The following MGST1 variants were observed in gnomAD, a reference collection of about 807,000 sequenced individuals.
MGST1 encodes the protein glutathione S-transferase 12.
A neutral mutation model predicts 8.9 loss-of-function variants in MGST1; 5 were observed. The ratio of observed to expected loss-of-function variants is 0.56; its 90% CI spans 0.29 to 1.19. The LOEUF (loss-of-function observed/expected upper bound fraction) is 1.19, where lower values mean the gene tolerates loss of function less well. Ranked by LOEUF, MGST1 falls within the 50% of genes most tolerant of loss-of-function variation. The pLI is 0.08. For synonymous variants in MGST1, 54 were observed against 67.8 expected, an observed-to-expected ratio of 0.80 and a Z score of 1.00; for missense variants, 182 against 187.4, an observed-to-expected ratio of 0.97 and a Z score of 0.17.
At position 16,399,339 on chromosome 12, in the gene MGST1, G is replaced by A. The variant is rs1321506856; in HGVS notation, n.778+15735G>A. On this transcript the variant is annotated intron_variant and non_coding_transcript_variant, in intron 1 of 1. Transcript: ENST00000359720. ...GGAACCATGGTTGGAACCACGGTTAGAGCCATGGCCCAAACTGTGCACAGA... is the reference window on the plus strand; with the variant it reads ...GGAACCATGGTTGGAACCACGGTTAAAGCCATGGCCCAAACTGTGCACAGA... 4 of 1,586,330 alleles carry A rather than the reference G, an allele frequency of 2.5e-6. No individual in the cohort carries two copies. In the African/African-American group the frequency reaches 5.4e-5, roughly 21 times the overall value.
At chr12:16,356,752 A>G (rs987364316) in intron 2 of MGST1, among the ~76,000 whole-genome samples, 1 of 152,236 alleles carries the variant, frequency 6.6e-6, no homozygotes, top group African/African-American at 2.4e-5. Context: ...AAATTTCATT[A>G]TACAGTATTC....
At chr12:16,440,277 AGTAAAGCG>A (rs1186550364), downstream of MGST1, among the ~76,000 whole-genome samples, 16 of 151,796 alleles carry the variant, frequency 1.1e-4, no homozygotes, top group African/African-American at 3.9e-4. Context: ...ACACATACAC[AGTAAAGCG>A]TATAAACCTT....
intron 1 of MGST1, among the ~76,000 whole-genome samples, chr12:16,397,577 C>CAA (rs561070587): frequency 4.3e-4 from 63 of 147,484 alleles, no homozygotes; most frequent in African/African-American, 1.5e-3. Context: ...AACAAAATAG[C>CAA]AAAAAAAAAC....
At chr12:16,510,929 T>G (rs1212738206) in intron 4 of MGST1, among the ~76,000 whole-genome samples, 1 of 152,162 alleles carries the variant, frequency 6.6e-6, no homozygotes, top group Non-Finnish European at 1.5e-5. Context: ...TAATGGAGAA[T>G]GCTGACATAA....
chr12:16,590,019 G>C (rs1005178402), downstream of MGST1, among the ~76,000 whole-genome samples: 2 of 152,008 alleles, frequency 1.3e-5, no homozygotes, highest in African/African-American at 4.8e-5. Context: ...AAGATTCAAA[G>C]CACATTTGCA....
Position 16,513,919 on chromosome 12 carries a change from C to T in MGST1, n.483-75609C>T. The T allele has an allele frequency of 3.5e-6, 2 of 578,124 alleles. No homozygotes were observed. The highest frequency in any genetic ancestry group is 2.2e-5 in the Admixed American group (1 of 45,988). 35.8% of individuals were successfully genotyped at this position (578,124 alleles called of 1,614,324 possible). The stretch of plus-strand genomic sequence containing the variant: ...TACTGGCATGCAGCTACAAGGTTAT[C>T]GATACTATGACCGCAAGACTTGCGG... On this transcript the variant is annotated intron_variant and non_coding_transcript_variant, in intron 4 of 4. Coordinates refer to the MGST1 transcript ENST00000538857. This position sits in a 1 kb window ranked among gnomAD's most constrained non-coding sequence, Gnocchi z 4.2.
At chr12:16,551,128 C>G in intron 4 of MGST1, 1 of 813,750 alleles carries the variant, frequency 1.2e-6, no homozygotes, top group South Asian at 1.4e-5. Flanking sequence ...CTACGCTATT[C>G]AGTAGGTTCC....
At chr12:16,549,538 T>C (rs912231066) in intron 4 of MGST1, 13 of 152,560 alleles carry the variant, frequency 8.5e-5, no homozygotes, top group African/African-American at 3.1e-4. Context: ...AATTCAGGTA[T>C]AACATTTAAT....
rs1940004496 is a variant in MGST1 at position 16,361,708 on chromosome 12, A to G, written c.222-2087A>G. On this transcript the variant is annotated intron_variant, in intron 3 of 3. Transcript: ENST00000396210. This position sits in a 1 kb window ranked among gnomAD's most constrained non-coding sequence, Gnocchi z 4.2. The stretch of plus-strand genomic sequence containing the variant: ...CAGAGTCTCAAAAGAAGTACAAAAT[A>G]CAGCATAAATTGGCATAAGTATGAG... Among the ~76,000 whole-genome samples, 1 of 152,214 alleles carries G rather than the reference A, an allele frequency of 6.6e-6. No individual in the cohort carries two copies. The highest frequency in any genetic ancestry group is 1.5e-5 in the Non-Finnish European group (1 of 68,034).
intron 1 of MGST1, among the ~76,000 whole-genome samples, chr12:16,414,140 G>A (rs146536996): frequency 6.6e-6 from 1 of 151,510 alleles, no homozygotes; most frequent in Non-Finnish European, 1.5e-5. Context: ...AGGCTCTCAG[G>A]TCCCCCCTAG....
chr12:16,513,550 G>A lies in MGST1; in HGVS notation n.483-75978G>A, dbSNP rs188271321. On this transcript the variant is annotated intron_variant and non_coding_transcript_variant, in intron 4 of 4. Transcript: ENST00000538857. This position sits in a 1 kb window ranked among gnomAD's most constrained non-coding sequence, Gnocchi z 4.2. ...TGGAGTCACCGAAGGCTTTAAGAGGGACACCAATAGCAAAAAGATGAATCT... is the reference window on the plus strand; with the variant it reads ...TGGAGTCACCGAAGGCTTTAAGAGGAACACCAATAGCAAAAAGATGAATCT... The A allele has an allele frequency of 1.3e-3, 657 of 489,022 alleles. 1 individual carries two copies. Among genetic ancestry groups the A allele is most frequent in the Non-Finnish European group, 2.1e-3 (512 of 238,562 alleles). The allele number at this position is 489,022 out of a possible 1,614,324, so 30.3% of individuals were successfully genotyped here.
intron 4 of MGST1, among the ~76,000 whole-genome samples, chr12:16,485,659 CAATT>C (rs1941395073): frequency 6.6e-6 from 1 of 152,034 alleles, no homozygotes; most frequent in African/African-American, 2.4e-5. Flanking sequence ...TCTAGGCAAA[CAATT>C]TATGGACAAA....
chr12:16,447,630 A>G (rs1941090572), intron 4 of MGST1, among the ~76,000 whole-genome samples: 1 of 151,964 alleles, frequency 6.6e-6, no homozygotes, highest in African/African-American at 2.4e-5. Flanking sequence ...CAAGCTTGGC[A>G]TAATAGATTT....
chr12:16,567,327 A>G (rs1472463963), intron 4 of MGST1: 4 of 154,682 alleles, frequency 2.6e-5, no homozygotes, highest in African/African-American at 9.6e-5. Context: ...GATGCCTACT[A>G]CGTGCAAGGT....
rs1438248471 is a variant in MGST1, at chr12:16,497,959, T to C, written n.483-91569T>C. Among the ~76,000 whole-genome samples, 1 of 152,116 alleles carries C rather than the reference T, an allele frequency of 6.6e-6. No homozygotes were observed. Among genetic ancestry groups the C allele is most frequent in the African/African-American group, 2.4e-5 (1 of 41,448 alleles). ...TTATGGAATATCTCCAAGGGGCTAG[T>C]TTTGGAAATTGGAAAATAATATACA... is the stretch of plus-strand genomic sequence containing the variant. On this transcript the variant is annotated intron_variant and non_coding_transcript_variant, in intron 4 of 4. Transcript: ENST00000538857. The surrounding 1 kb of genome is among the most constrained non-coding windows in gnomAD (Gnocchi z 4.4).
In MGST1 at chr12:16,559,512, T is replaced by G. The variant is rs77471288; in HGVS notation, n.483-30016T>G. ...GCAGAGCCCATATTAGAATTTAGGT[T>G]TCCAGGTTCCCTGTTCAACACTTTT... On this transcript the variant is annotated intron_variant and non_coding_transcript_variant, in intron 4 of 4. Transcript: ENST00000538857. This position sits in a 1 kb window ranked among gnomAD's most constrained non-coding sequence, Gnocchi z 4.1. Among the ~76,000 whole-genome samples the G allele has an allele frequency of 0.019, 2,848 of 152,286 alleles. 94 individuals carry two copies. The highest frequency in any genetic ancestry group is 0.064 in the African/African-American group (2,675 of 41,538).
chr12:16,583,857 G>A (rs1820613767), intron 4 of MGST1, among the ~76,000 whole-genome samples: 1 of 152,128 alleles, frequency 6.6e-6, no homozygotes, highest in South Asian at 2.1e-4. Flanking sequence ...TAGTGGGCAG[G>A]AAAGATAGAA....
At chr12:16,452,842 C>G (rs1278367299) in intron 4 of MGST1, among the ~76,000 whole-genome samples, 1 of 151,900 alleles carries the variant, frequency 6.6e-6, no homozygotes, top group East Asian at 1.9e-4. Context: ...AAACTGGGAT[C>G]TTTTAAACTA....
intron 4 of MGST1, among the ~76,000 whole-genome samples, chr12:16,529,183 G>A (rs912610280): frequency 5.3e-5 from 8 of 151,048 alleles, no homozygotes; most frequent in African/African-American, 1.9e-4. Flanking sequence ...TTTCTCTCTC[G>A]CTCACTCTTT....
Sources: allele counts gnomAD v4.1 joint callset (sites outside exome capture counted in the v4.1 genomes callset), GRCh38; gene constraint gnomAD v4.1.1; non-coding constraint Gnocchi (gnomAD v3.1); transcripts MANE v1.5; gene names NCBI Gene and HGNC (gene_info 2026-07-23, HGNC 2026-07-21).